Variants in GPC6 observed in about 807,000 individuals in gnomAD.
GPC6 encodes the protein glypican 6, also known as glypican-6.
A neutral mutation model predicts 55.2 loss-of-function variants in GPC6; 14 were observed. That is an observed-to-expected ratio of 0.25 (90% CI 0.17 to 0.40). GPC6 has a LOEUF of 0.40. GPC6 is among the 10% of genes least tolerant of loss of function. The pLI is 1.00. For synonymous variants in GPC6, 278 were observed against 259.6 expected, an observed-to-expected ratio of 1.07 and a Z score of -0.68; for missense variants, 641 against 708.5, an observed-to-expected ratio of 0.90 and a Z score of 1.08.
chr13:93,789,608 T>TATAATACTAC (rs369792170), intron 2 of GPC6, among the ~76,000 whole-genome samples: 21 of 33,044 alleles, frequency 6.4e-4, no homozygotes, highest in African/African-American at 3.0e-3. Context: ...CATATATATA[T>TATAATACTAC]ATATATATAT....
chr13:94,173,041 A>T (rs1458906942), intron 4 of GPC6, among the ~76,000 whole-genome samples: 2 of 152,196 alleles, frequency 1.3e-5, no homozygotes, highest in African/African-American at 4.8e-5. Flanking sequence ...CTAGAAAAAC[A>T]AATTCTGAGA....
chr13:94,271,364 A>ACGCG (rs1373300551), intron 4 of GPC6, among the ~76,000 whole-genome samples: 3 of 91,838 alleles, frequency 3.3e-5, no homozygotes, highest in Admixed American at 1.0e-4. Context: ...ATACACACAC[A>ACGCG]CACGCGCGCG....
chr13:93,686,671 G>A (rs999696559), intron 2 of GPC6, among the ~76,000 whole-genome samples: 3 of 151,986 alleles, frequency 2.0e-5, no homozygotes, highest in Non-Finnish European at 4.4e-5. Flanking sequence ...TTCTTTTTAA[G>A]GAATTGTTAA....
At chr13:93,776,045 TTTTCTTTG>T (rs1466770868) in intron 2 of GPC6, among the ~76,000 whole-genome samples, 1 of 151,054 alleles carries the variant, frequency 6.6e-6, no homozygotes, top group African/African-American at 2.4e-5. Flanking sequence ...TTCCGTCTTT[TTTTCTTTG>T]TTTCTTTCTT....
chr13:93,432,349 T>C (rs1409926669), intron 1 of GPC6, among the ~76,000 whole-genome samples: 1 of 152,126 alleles, frequency 6.6e-6, no homozygotes, highest in Non-Finnish European at 1.5e-5. Flanking sequence ...AAGTGAAATG[T>C]ATTGGCAGCA....
At chr13:93,838,620 G>A (rs1171002027) in intron 3 of GPC6, among the ~76,000 whole-genome samples, 1 of 152,130 alleles carries the variant, frequency 6.6e-6, no homozygotes, top group Non-Finnish European at 1.5e-5. Flanking sequence ...TTTCACTTAA[G>A]AAAGATGGGC....
chr13:93,775,480 A>G (rs1008952203), intron 2 of GPC6, among the ~76,000 whole-genome samples: 19 of 152,234 alleles, frequency 1.2e-4, no homozygotes, highest in African/African-American at 4.6e-4. Flanking sequence ...GGAGTTTTCT[A>G]GAAGAAAATT....
intron 2 of GPC6, among the ~76,000 whole-genome samples, chr13:93,569,873 T>C (rs932564134): frequency 5.3e-5 from 8 of 152,100 alleles, no homozygotes; most frequent in African/African-American, 1.7e-4. Flanking sequence ...AGATATCTTG[T>C]GTAAGTGCGT....
At chr13:93,680,306 T>G (rs1203214302) in intron 2 of GPC6, among the ~76,000 whole-genome samples, 1 of 152,152 alleles carries the variant, frequency 6.6e-6, no homozygotes, top group Admixed American at 6.6e-5. Context: ...GGTCTTTGCC[T>G]TACATGCCCC....
At chr13:93,605,626 C>A (rs2139530902) in intron 2 of GPC6, among the ~76,000 whole-genome samples, 1 of 150,658 alleles carries the variant, frequency 6.6e-6, no homozygotes, top group African/African-American at 2.4e-5. Context: ...CACCTAAGGT[C>A]AGGAGTTCGA....
chr13:93,861,441 T>A (rs565542421), intron 3 of GPC6, among the ~76,000 whole-genome samples: 14 of 151,562 alleles, frequency 9.2e-5, no homozygotes, highest in African/African-American at 1.7e-4. Flanking sequence ...CATATCTAAT[T>A]GTTAACTACA....
Position 94,091,908 on chromosome 13 carries a change from T to TTGTGTGTGTGTG in GPC6, c.877+64028_877+64039dup, listed in dbSNP as rs61061006. Among the ~76,000 whole-genome samples, 911 of 148,496 alleles carry TTGTGTGTGTGTG rather than the reference T, an allele frequency of 6.1e-3. 5 individuals carry two copies. The highest frequency in any genetic ancestry group is 0.02 in the African/African-American group (819 of 40,084). ...GAGATCAAATTCTGTGTGTGTGTGT[T>TTGTGTGTGTGTG]TGTGTGTGTGTGTGTGTGTGTGTGT... On this transcript the variant is annotated intron_variant, in intron 4 of 8. Coordinates refer to ENST00000377047, the MANE Select transcript of GPC6 (RefSeq NM_005708.5).
intron 3 of GPC6, among the ~76,000 whole-genome samples, chr13:93,961,344 A>C (rs529927381): frequency 6.6e-6 from 1 of 152,366 alleles, no homozygotes; most frequent in African/African-American, 2.4e-5. Context: ...AATTTAAATA[A>C]CAGTTGCATT....
At chr13:94,284,356 G>A (rs1450448170) in intron 4 of GPC6, among the ~76,000 whole-genome samples, 1 of 152,110 alleles carries the variant, frequency 6.6e-6, no homozygotes, top group Non-Finnish European at 1.5e-5. Context: ...AAATATTGGA[G>A]GAGTTTTCTG....
chr13:94,304,787 A>G (rs1273689420), intron 5 of GPC6, among the ~76,000 whole-genome samples: 1 of 152,248 alleles, frequency 6.6e-6, no homozygotes, highest in Non-Finnish European at 1.5e-5. Flanking sequence ...TCATTACAAT[A>G]CAATGTTTGA....
chr13:93,535,512 T>A (rs1276394919), intron 1 of GPC6, among the ~76,000 whole-genome samples: 2 of 152,078 alleles, frequency 1.3e-5, no homozygotes, highest in Non-Finnish European at 2.9e-5. Context: ...AATCCATGAA[T>A]GAATAAGTGT....
At chr13:94,040,893 G>T (rs977794944) in intron 4 of GPC6, among the ~76,000 whole-genome samples, 2 of 151,772 alleles carry the variant, frequency 1.3e-5, no homozygotes, top group African/African-American at 4.8e-5. Context: ...CTTTGAATTC[G>T]ATTTGGAGAA....
At position 94,066,848 on chromosome 13, in the gene GPC6, G is replaced by A. The variant is rs547549174; in HGVS notation, c.877+38954G>A. 7.9e-5 allele frequency among the ~76,000 whole-genome samples: 12 copies of A among 152,250 alleles called. 1 individual carries two copies. The South Asian group carries it at 2.5e-3, about 32-fold the overall frequency. On this transcript the variant is annotated intron_variant, in intron 4 of 8. Transcript: ENST00000377047. ...ATAAAAGCTAAGTATCTGAATATAA[G>A]TATTAATTCTCTTTCAGAGAAAGCT...
At chr13:93,525,489 T>C (rs1881610836) in intron 1 of GPC6, among the ~76,000 whole-genome samples, 1 of 152,146 alleles carries the variant, frequency 6.6e-6, no homozygotes, top group South Asian at 2.1e-4. Flanking sequence ...AATAGGTTTA[T>C]ACAGGTTCAC....
Sources: allele counts gnomAD v4.1 joint callset (sites outside exome capture counted in the v4.1 genomes callset), GRCh38; gene constraint gnomAD v4.1.1; transcripts MANE v1.5; gene names NCBI Gene and HGNC (gene_info 2026-07-23, HGNC 2026-07-21).